Variants in CSMD1 observed in about 807,000 individuals in gnomAD.
The protein encoded by CSMD1 is CUB and Sushi multiple domains 1, also known as CUB and sushi domain-containing protein 1.
In CSMD1, 213 loss-of-function variants were observed where a neutral mutation model predicts 417.5. The observed-to-expected ratio is 0.51, with a 90% CI of 0.46 to 0.57. CSMD1 has a LOEUF of 0.57. Ranked by LOEUF, CSMD1 falls within the 20% of genes least tolerant of loss-of-function variation. CSMD1 has a pLI of 0.00. For missense variants in CSMD1, 6,923 were observed against 4,529.7 expected, an observed-to-expected ratio of 1.53 and a Z score of -15.17; for synonymous variants, 2,862 against 1,736.8, an observed-to-expected ratio of 1.65 and a Z score of -16.11.
chr8:3,669,580 G>T (rs536087779), intron 7 of CSMD1, among the ~76,000 whole-genome samples: 1 of 152,168 alleles, frequency 6.6e-6, no homozygotes, highest in African/African-American at 2.4e-5. Context: ...GCCTGAATGA[G>T]ACTCTTCCGG....
chr8:4,113,865 A>G (rs1024761363), intron 3 of CSMD1, among the ~76,000 whole-genome samples: 2 of 152,208 alleles, frequency 1.3e-5, no homozygotes, highest in African/African-American at 4.8e-5. Flanking sequence ...CTTCAACTCT[A>G]TGAAGGCTGA....
chr8:3,511,879 A>T (rs1222388567), intron 10 of CSMD1, among the ~76,000 whole-genome samples: 1 of 149,192 alleles, frequency 6.7e-6, no homozygotes, highest in Non-Finnish European at 1.5e-5. Context: ...ATCGCCACAG[A>T]ATTTGCGTTT....
intron 1 of CSMD1, among the ~76,000 whole-genome samples, chr8:4,993,787 G>C (rs1385535937): frequency 6.6e-6 from 1 of 152,208 alleles, no homozygotes; most frequent in Non-Finnish European, 1.5e-5. Flanking sequence ...ACGTTGGAGA[G>C]GGAAGGAGGA....
At chr8:3,663,977 C>T (rs889774268) in intron 7 of CSMD1, among the ~76,000 whole-genome samples, 1 of 152,154 alleles carries the variant, frequency 6.6e-6, no homozygotes, top group African/African-American at 2.4e-5. Flanking sequence ...ATTACTAAAT[C>T]TTATTGTAAA....
chr8:4,807,536 C>G (rs1482266076), intron 1 of CSMD1, among the ~76,000 whole-genome samples: 2 of 152,166 alleles, frequency 1.3e-5, no homozygotes, highest in African/African-American at 2.4e-5. Context: ...GAGCAGGACA[C>G]CAGTACGTGT....
At chr8:4,724,518 A>ATGTG (rs1208301944) in intron 1 of CSMD1, among the ~76,000 whole-genome samples, 9 of 138,184 alleles carry the variant, frequency 6.5e-5, no homozygotes, top group Non-Finnish European at 9.1e-5. Context: ...CTTTATATAT[A>ATGTG]TATGTGTGTG....
At chr8:3,783,506 G>C (rs757090179) in intron 5 of CSMD1, among the ~76,000 whole-genome samples, 1 of 152,208 alleles carries the variant, frequency 6.6e-6, no homozygotes, top group Non-Finnish European at 1.5e-5. Flanking sequence ...GGAGGGGAAA[G>C]GACCTGAATC....
intron 15 of CSMD1, 86 bp from the exon 16 acceptor site, chr8:3,399,615 T>A: frequency 9.8e-7 from 1 of 1,024,614 alleles, no homozygotes; most frequent in Non-Finnish European, 1.4e-6. Context: ...CAGAATCTGC[T>A]TCTGTGTTCA....
intron 49 of CSMD1, among the ~76,000 whole-genome samples, chr8:3,063,231 A>G (rs1284914260): frequency 1.3e-5 from 2 of 152,222 alleles, no homozygotes; most frequent in African/African-American, 4.8e-5. Flanking sequence ...CTGGTAAACT[A>G]GTCAAGCCCA....
intron 3 of CSMD1, among the ~76,000 whole-genome samples, chr8:4,270,597 T>C (rs962585123): frequency 1.3e-5 from 2 of 152,192 alleles, no homozygotes; most frequent in African/African-American, 4.8e-5. Context: ...CCCGACTTCC[T>C]GTTCAACCTG....
Position 4,770,844 on chromosome 8 carries a change from C to A in CSMD1, c.86-133286G>T, listed in dbSNP as rs546192405. ...AAAATCCTAAACATAAGACCTGAAA[C>A]CATGAAAATCCCAGAATACACAGGG... On this transcript the variant is annotated intron_variant, in intron 1 of 69. Transcript: ENST00000635120. Among the ~76,000 whole-genome samples, 3 of 152,148 alleles carry A rather than the reference C, an allele frequency of 2.0e-5. No individual in the cohort carries two copies. In the East Asian group the frequency reaches 5.8e-4, roughly 29 times the overall value.
chr8:4,594,522 A>G (rs1404951935), intron 2 of CSMD1, among the ~76,000 whole-genome samples: 2 of 152,090 alleles, frequency 1.3e-5, no homozygotes, highest in African/African-American at 4.8e-5. Context: ...TTTCTAAATA[A>G]GGTCACATTC....
chr8:3,342,583 T>A lies in CSMD1; in HGVS notation c.3631+711A>T, dbSNP rs527626217. 1.8e-4 allele frequency among the ~76,000 whole-genome samples: 27 copies of A among 152,330 alleles called. No individual in the cohort carries two copies. In the South Asian group the frequency reaches 5.2e-3, roughly 29 times the overall value. On this transcript the variant is annotated intron_variant, in intron 23 of 69. Coordinates refer to ENST00000635120, the MANE Select transcript of CSMD1 (RefSeq NM_033225.6). ...AAGTGGCAGTTATCACTTTGCAAAT[T>A]CCTACTTTTGAAACACAGCATCTCT...
chr8:3,306,533 T>C (rs573298160), intron 25 of CSMD1, among the ~76,000 whole-genome samples: 2 of 152,306 alleles, frequency 1.3e-5, no homozygotes, highest in African/African-American at 4.8e-5. Flanking sequence ...GCTGGGCTGA[T>C]TCATTTAGTC....
chr8:3,474,125 G>C (rs1007174067), intron 11 of CSMD1, among the ~76,000 whole-genome samples: 1 of 152,098 alleles, frequency 6.6e-6, no homozygotes, highest in Non-Finnish European at 1.5e-5. Context: ...TATCAATCAG[G>C]TTGGCATGCT....
intron 3 of CSMD1, among the ~76,000 whole-genome samples, chr8:4,353,112 C>T (rs549797327): frequency 1.8e-4 from 27 of 152,194 alleles, no homozygotes; most frequent in African/African-American, 6.3e-4. Context: ...ATATAACATT[C>T]GGTTTATGTT....
intron 1 of CSMD1, among the ~76,000 whole-genome samples, chr8:4,800,973 G>C (rs529226669): frequency 6.6e-6 from 1 of 152,256 alleles, no homozygotes; most frequent in Non-Finnish European, 1.5e-5. Context: ...TCTTTCCTTA[G>C]TTTTATCCCA....
chr8:4,272,639 T>C (rs559239254), intron 3 of CSMD1, among the ~76,000 whole-genome samples: 9 of 152,306 alleles, frequency 5.9e-5, no homozygotes, highest in Middle Eastern at 3.4e-3. Context: ...TGAGAAATAA[T>C]TGCATTCTTC....
intron 47 of CSMD1, among the ~76,000 whole-genome samples, chr8:3,092,720 C>A (rs1158055950): frequency 4.6e-5 from 7 of 152,170 alleles, no homozygotes; most frequent in African/African-American, 1.7e-4. Flanking sequence ...CCGGCATTGC[C>A]CTCATCACCA....
Sources: gnomAD v4.1 joint callset for allele counts (sites outside exome capture counted in the v4.1 genomes callset) on GRCh38, gnomAD v4.1.1 for gene constraint, MANE v1.5 for transcripts, NCBI Gene and HGNC (gene_info 2026-07-23, HGNC 2026-07-21) for gene names.